Variants in ZSWIM6 observed in about 807,000 individuals in gnomAD.
ZSWIM6 encodes zinc finger SWIM-type containing 6, also known as zinc finger SWIM domain-containing protein 6.
Under a neutral mutation model 113.2 loss-of-function variants are expected in ZSWIM6, and 9 were observed. The observed-to-expected ratio is 0.08, with a 90% CI of 0.05 to 0.14. The LOEUF (loss-of-function observed/expected upper bound fraction) is 0.14. Ranked by LOEUF, ZSWIM6 falls within the 10% of genes least tolerant of loss-of-function variation. The pLI is 1.00. For synonymous variants in ZSWIM6, 611 were observed against 606.5 expected (o/e 1.01, Z -0.11); for missense variants, 1,162 against 1,552.2 (o/e 0.75, Z 4.22).
chr5:61,335,627 C>T (rs921870687), intron 1 of ZSWIM6, among the ~76,000 whole-genome samples: 1 of 152,222 alleles, frequency 6.6e-6, no homozygotes, highest in East Asian at 1.9e-4. Flanking sequence ...TTGTTGATAG[C>T]ACCATAAAGC....
chr5:61,521,194 T>C, intron 4 of ZSWIM6, 69 bp from the exon 5 acceptor site: 2 of 998,458 alleles, frequency 2.0e-6, no homozygotes, highest in Non-Finnish European at 2.6e-6. Flanking sequence ...ATTTAAACAA[T>C]TTAACTTGAT....
chr5:61,359,416 A>C (rs926814772), intron 1 of ZSWIM6, among the ~76,000 whole-genome samples: 1 of 152,122 alleles, frequency 6.6e-6, no homozygotes, highest in Non-Finnish European at 1.5e-5. Flanking sequence ...CTCCCCTTTA[A>C]AAAAATATTC....
chr5:61,473,543 C>A (rs1006931154), intron 2 of ZSWIM6, among the ~76,000 whole-genome samples: 2 of 152,038 alleles, frequency 1.3e-5, no homozygotes, highest in Admixed American at 6.6e-5. Flanking sequence ...TCTTTTAAAA[C>A]TTTTATACAT....
intron 1 of ZSWIM6, among the ~76,000 whole-genome samples, chr5:61,403,933 G>GTCTT (rs1424723351): frequency 6.6e-6 from 1 of 152,096 alleles, no homozygotes; most frequent in Admixed American, 6.5e-5. Flanking sequence ...TTTAACTGTA[G>GTCTT]TCTTGTCTTC....
intron 1 of ZSWIM6, among the ~76,000 whole-genome samples, chr5:61,348,734 T>G (rs1744720962): frequency 6.6e-6 from 1 of 152,242 alleles, no homozygotes. Flanking sequence ...CCTTATTTAA[T>G]AATCCTAAAA....
At chr5:61,382,030 T>C (rs181431247) in intron 1 of ZSWIM6, among the ~76,000 whole-genome samples, 37 of 152,254 alleles carry the variant, frequency 2.4e-4, no homozygotes, top group African/African-American at 8.7e-4. Flanking sequence ...TACCGATACA[T>C]GAGGAAAATG....
At chr5:61,402,631 G>A (rs967932880) in intron 1 of ZSWIM6, among the ~76,000 whole-genome samples, 1 of 152,028 alleles carries the variant, frequency 6.6e-6, no homozygotes, top group African/African-American at 2.4e-5. Flanking sequence ...ATACTGTATG[G>A]TTTCTAGATT....
chr5:61,496,914 A>C (rs1748332187), intron 4 of ZSWIM6, among the ~76,000 whole-genome samples: 1 of 152,162 alleles, frequency 6.6e-6, no homozygotes, highest in Non-Finnish European at 1.5e-5. Flanking sequence ...ATTGCTTCTC[A>C]TGTGCCACGA....
intron 2 of ZSWIM6, among the ~76,000 whole-genome samples, chr5:61,482,902 G>C (rs1001014768): frequency 6.5e-4 from 83 of 128,222 alleles, no homozygotes; most frequent in Non-Finnish European, 8.3e-4. Context: ...GTAGACTTTG[G>C]GCCATTTTTT....
chr5:61,541,663 A>G (rs1278739807), intron 12 of ZSWIM6, among the ~76,000 whole-genome samples: 2 of 152,328 alleles, frequency 1.3e-5, no homozygotes, highest in East Asian at 3.9e-4. Context: ...GGAGGAGAAT[A>G]TGGGCCTCTT....
chr5:61,391,124 T>A, intron 1 of ZSWIM6: 1 of 761,294 alleles, frequency 1.3e-6, no homozygotes, highest in South Asian at 1.4e-5. Context: ...CAGGCCACTT[T>A]GCACAGGCCT....
intron 1 of ZSWIM6, among the ~76,000 whole-genome samples, chr5:61,366,081 G>T (rs2112060296): frequency 1.3e-5 from 2 of 152,234 alleles, no homozygotes; most frequent in South Asian, 4.2e-4. Flanking sequence ...TTTTAATGGA[G>T]AGTGGGTTTC....
intron 5 of ZSWIM6, among the ~76,000 whole-genome samples, chr5:61,525,456 G>A (rs993336429): frequency 6.6e-6 from 1 of 152,186 alleles, no homozygotes; most frequent in African/African-American, 2.4e-5. Flanking sequence ...TCAGAAGTGG[G>A]GAGCAGTGAG....
At chr5:61,471,581 A>G (rs1237099811) in intron 1 of ZSWIM6, among the ~76,000 whole-genome samples, 1 of 152,240 alleles carries the variant, frequency 6.6e-6, no homozygotes, top group Non-Finnish European at 1.5e-5. Context: ...CATGGAGCTC[A>G]TAGAGCAAGG....
At chr5:61,370,229 A>G (rs1250806013) in intron 1 of ZSWIM6, among the ~76,000 whole-genome samples, 1 of 152,222 alleles carries the variant, frequency 6.6e-6, no homozygotes, top group Non-Finnish European at 1.5e-5. Flanking sequence ...ATTTGCAAAT[A>G]CCCTATGAAA....
chr5:61,512,037 C>T (rs888241957), intron 4 of ZSWIM6, among the ~76,000 whole-genome samples: 1 of 151,970 alleles, frequency 6.6e-6, no homozygotes, highest in Non-Finnish European at 1.5e-5. Flanking sequence ...TTTTAGTGTA[C>T]AGTTTTGAGT....
chr5:61,351,210 C>G (rs1579946664), intron 1 of ZSWIM6, among the ~76,000 whole-genome samples: 2 of 152,254 alleles, frequency 1.3e-5, no homozygotes, highest in African/African-American at 4.8e-5. Context: ...GTTTTTGACC[C>G]TAGTGACTAA....
intron 1 of ZSWIM6, among the ~76,000 whole-genome samples, chr5:61,371,106 A>AT (rs1745253670): frequency 6.6e-6 from 1 of 152,114 alleles, no homozygotes; most frequent in Admixed American, 6.6e-5. Context: ...GGAGTGGAAT[A>AT]TTTTTTATTT....
chr5:61,347,695 A>T (rs960184214), intron 1 of ZSWIM6: 1 of 152,232 alleles, frequency 6.6e-6, no homozygotes, highest in Non-Finnish European at 1.5e-5. Flanking sequence ...ATGTGGAAGA[A>T]ATGGAATATA....
Sources: allele counts gnomAD v4.1 joint callset (sites outside exome capture counted in the v4.1 genomes callset), GRCh38; gene constraint gnomAD v4.1.1; transcripts MANE v1.5; gene names NCBI Gene and HGNC (gene_info 2026-07-23, HGNC 2026-07-21).